Variants in NOX3 observed in about 807,000 individuals in gnomAD.
NOX3 encodes the protein NADPH oxidase catalytic subunit-like 3.
Under a neutral mutation model 76.7 loss-of-function variants are expected in NOX3, and 74 were observed. That is an observed-to-expected ratio of 0.96 (90% CI 0.80 to 1.17). The LOEUF (loss-of-function observed/expected upper bound fraction) is 1.17. NOX3 is among the 50% of genes most tolerant of loss of function. The probability of loss-of-function intolerance (pLI) is 0.00; values close to 1 mark genes in which losing one functional copy is unlikely to be tolerated. For synonymous variants in NOX3, 263 were observed against 261.1 expected (o/e 1.01, Z -0.07); for missense variants, 695 against 703.3 (o/e 0.99, Z 0.13).
At chr6:155,451,166 A>G (rs547178783) in intron 4 of NOX3, among the ~76,000 whole-genome samples, 1 of 152,190 alleles carries the variant, frequency 6.6e-6, no homozygotes, top group South Asian at 2.1e-4. Context: ...TTTAGTAGAG[A>G]CAGGGTTTCA....
intron 10 of NOX3, among the ~76,000 whole-genome samples, chr6:155,416,732 A>T (rs773142885): frequency 5.4e-4 from 77 of 143,044 alleles, no homozygotes; most frequent in Non-Finnish European, 9.7e-4. Flanking sequence ...CAACTGAAAC[A>T]TCTGAAACAT....
intron 10 of NOX3, among the ~76,000 whole-genome samples, chr6:155,419,257 C>A (rs561638855): frequency 6.6e-6 from 1 of 152,196 alleles, no homozygotes. Context: ...TGCCTGCAGA[C>A]GCTTAAGGAA....
chr6:155,397,214 A>G (rs1779151502), intron 12 of NOX3, among the ~76,000 whole-genome samples: 1 of 152,092 alleles, frequency 6.6e-6, no homozygotes, highest in Admixed American at 6.5e-5. Flanking sequence ...AGGGGCCATG[A>G]AACTGTTGAG....
At chr6:155,445,479 T>G (rs1157185118) in intron 4 of NOX3, among the ~76,000 whole-genome samples, 2 of 152,304 alleles carry the variant, frequency 1.3e-5, no homozygotes, top group African/African-American at 4.8e-5. Flanking sequence ...AAATGCTATC[T>G]TCTATGCAAC....
intron 10 of NOX3, among the ~76,000 whole-genome samples, chr6:155,420,472 C>A (rs1440824060): frequency 6.6e-6 from 1 of 152,144 alleles, no homozygotes; most frequent in Non-Finnish European, 1.5e-5. Context: ...ATATCCCAGT[C>A]ACTGTTTTGC....
intron 10 of NOX3, among the ~76,000 whole-genome samples, chr6:155,421,120 A>G (rs1776683775): frequency 6.6e-6 from 1 of 152,124 alleles, no homozygotes; most frequent in Non-Finnish European, 1.5e-5. Flanking sequence ...TTCCTAAAAT[A>G]TTGCTCCAGG....
At chr6:155,401,411 A>C (rs982634653) in intron 12 of NOX3, among the ~76,000 whole-genome samples, 2 of 152,186 alleles carry the variant, frequency 1.3e-5, no homozygotes, top group Non-Finnish European at 1.5e-5. Flanking sequence ...TGAACATTTT[A>C]GTCACATAAT....
chr6:155,454,253 C>T (rs1777182701), intron 3 of NOX3, among the ~76,000 whole-genome samples: 1 of 152,068 alleles, frequency 6.6e-6, no homozygotes, highest in Non-Finnish European at 1.5e-5. Context: ...ATGAGGGATG[C>T]CTGCATAATA....
intron 10 of NOX3, 129 bp from the exon 11 acceptor site, chr6:155,411,489 T>TTG (rs1554263044): frequency 1.6e-5 from 13 of 805,420 alleles, no homozygotes; most frequent in African/African-American, 1.4e-4. Context: ...ATGCTTTTTT[T>TTG]TGTGTGTGTC....
chr6:155,419,346 C>G (rs1776659956), intron 10 of NOX3, among the ~76,000 whole-genome samples: 1 of 152,160 alleles, frequency 6.6e-6, no homozygotes, highest in Admixed American at 6.6e-5. Flanking sequence ...AACTTTGAAG[C>G]AGAAATCAGA....
intron 9 of NOX3, among the ~76,000 whole-genome samples, chr6:155,424,080 A>C (rs1008845153): frequency 1.3e-5 from 2 of 152,052 alleles, no homozygotes; most frequent in African/African-American, 4.8e-5. Flanking sequence ...GTTGGTTAAT[A>C]GTTATTTCTC....
intron 11 of NOX3, among the ~76,000 whole-genome samples, chr6:155,408,218 C>T (rs141882321): frequency 3.0e-4 from 45 of 152,284 alleles, no homozygotes; most frequent in Admixed American, 1.2e-3. Context: ...GATCTCCTGA[C>T]CTCATGATCC....
intron 10 of NOX3, among the ~76,000 whole-genome samples, chr6:155,416,953 G>A (rs529912153): frequency 6.6e-6 from 1 of 152,078 alleles, no homozygotes; most frequent in Admixed American, 6.5e-5. Flanking sequence ...GTTTTGCCAT[G>A]TTGGTCAGGC....
At chr6:155,455,718 T>C (rs1338517575) in intron 1 of NOX3, 35 bp downstream of exon 1, 1 of 1,519,404 alleles carries the variant, frequency 6.6e-7, no homozygotes, top group Non-Finnish European at 9.1e-7. Flanking sequence ...ATTCAATCTA[T>C]ATATTTAAAG....
chr6:155,445,123 C>A (rs1200863712), intron 4 of NOX3, among the ~76,000 whole-genome samples: 2 of 152,174 alleles, frequency 1.3e-5, no homozygotes, highest in Non-Finnish European at 2.9e-5. Context: ...CACAGCTAGA[C>A]AACAACATAC....
At chr6:155,445,997 A>ATATAAAAT (rs1554264832) in intron 4 of NOX3, among the ~76,000 whole-genome samples, 3 of 65,554 alleles carry the variant, frequency 4.6e-5, no homozygotes, top group Non-Finnish European at 8.0e-5. Context: ...ATATATATAT[A>ATATAAAAT]ATATATATAT....
chr6:155,431,130 CTTAT>C (rs1430541751), intron 7 of NOX3, among the ~76,000 whole-genome samples, 195 bp from the exon 8 acceptor site: 1 of 152,110 alleles, frequency 6.6e-6, no homozygotes, highest in Non-Finnish European at 1.5e-5. Context: ...AGTCTACAAG[CTTAT>C]TTAAGAGATT....
intron 4 of NOX3, among the ~76,000 whole-genome samples, chr6:155,450,758 G>T (rs934543268): frequency 6.6e-6 from 1 of 152,130 alleles, no homozygotes; most frequent in Non-Finnish European, 1.5e-5. Flanking sequence ...GGAACTCCTA[G>T]GAGCTGGGTG....
chr6:155,437,062 C>T (rs1482605505), intron 6 of NOX3, among the ~76,000 whole-genome samples: 1 of 152,138 alleles, frequency 6.6e-6, no homozygotes, highest in African/African-American at 2.4e-5. Flanking sequence ...CAGTGTTTGA[C>T]TCAGTCAAAA....
Sources: allele counts gnomAD v4.1 joint callset (sites outside exome capture counted in the v4.1 genomes callset), GRCh38; gene constraint gnomAD v4.1.1; transcripts MANE v1.5; gene names NCBI Gene and HGNC (gene_info 2026-07-23, HGNC 2026-07-21).